EEA1: variants seen among roughly 807,000 people sequenced by gnomAD.
EEA1 encodes the protein early endosome antigen 1, also known as early endosome antigen 1, 162kD.
EEA1 carries 111 observed loss-of-function variants against 209.2 expected under a neutral mutation model. That is an observed-to-expected ratio of 0.53 (90% CI 0.45 to 0.62). The LOEUF is 0.62. EEA1 is among the 20% of genes least tolerant of loss of function. The pLI, the probability that EEA1 is intolerant of heterozygous loss-of-function variation, is 0.00. For missense variants in EEA1, 1,343 were observed against 1,530.8 expected, an observed-to-expected ratio of 0.88 and a Z score of 2.05; for synonymous variants, 536 against 540.6, an observed-to-expected ratio of 0.99 and a Z score of 0.12.
chr12:92,926,627 C>G (rs945268804), intron 1 of EEA1, among the ~76,000 whole-genome samples: 4 of 152,208 alleles, frequency 2.6e-5, no homozygotes, highest in African/African-American at 9.7e-5. Context: ...CTTACGTCCT[C>G]TCACAATTTG....
chr12:92,794,515 A>G (rs539155210), intron 21 of EEA1, among the ~76,000 whole-genome samples: 5 of 152,306 alleles, frequency 3.3e-5, no homozygotes, highest in African/African-American at 9.6e-5. Flanking sequence ...ATAAAAAAAA[A>G]TATGGCACAT....
chr12:92,784,833 T>A (rs1456374209), intron 22 of EEA1, among the ~76,000 whole-genome samples: 1 of 152,158 alleles, frequency 6.6e-6, no homozygotes, highest in East Asian at 1.9e-4. Flanking sequence ...CTCTCTCCCA[T>A]TCCATGGTTT....
rs1322983202 is a variant in EEA1 at position 92,852,261 on chromosome 12, G to A, written c.556C>T (p.Arg186Ter). ...GTCACTTTTTGTTCAGCAGCTTCTCGAAGACTCCTTTCTTCATCATACTTT... is the reference window on the plus strand; with the variant it reads ...GTCACTTTTTGTTCAGCAGCTTCTCAAAGACTCCTTTCTTCATCATACTTT... Reference protein sequence around the residue: ...KSKYDEERSLREAAEQKVTRL... With the variant: ...KSKYDEERSL The change falls in exon 8 of 29, where the codon CGA becomes TGA. Residue 186 changes from arginine (R) to a stop codon, truncating the protein, a stop_gained. Transcript: ENST00000322349. LOFTEE classifies it high-confidence loss of function. 5.0e-6 allele frequency: 8 copies of A among 1,597,790 alleles called. No homozygotes were observed. Among genetic ancestry groups the A allele is most frequent in the East Asian group, 2.3e-5 (1 of 44,056 alleles).
intron 2 of EEA1, among the ~76,000 whole-genome samples, chr12:92,881,552 C>T (rs1052999031): frequency 6.6e-6 from 1 of 152,080 alleles, no homozygotes; most frequent in Non-Finnish European, 1.5e-5. Context: ...CAGAGAAGCA[C>T]AAGAAAGACT....
Position 92,874,614 on chromosome 12 carries a change from C to T in EEA1, c.118-9627G>A, listed in dbSNP as rs1381490660. Reference sequence around the variant, plus strand: ...CTCCTGACCTCAGGTGATCCGCCTGCCTCAGCCTCCCAAAGTGCTGGGATT... The same window carrying T: ...CTCCTGACCTCAGGTGATCCGCCTGTCTCAGCCTCCCAAAGTGCTGGGATT... On this transcript the variant is annotated intron_variant, in intron 2 of 28. Transcript: ENST00000322349. 2.0e-5 allele frequency among the ~76,000 whole-genome samples: 3 copies of T among 152,260 alleles called. No individual in the cohort carries two copies. The East Asian group carries it at 5.8e-4, about 29-fold the overall frequency.
Position 92,821,809 on chromosome 12 carries a change from A to G in EEA1, c.1525-2298T>C, listed in dbSNP as rs548895336. Among the ~76,000 whole-genome samples the G allele has an allele frequency of 1.1e-3, 164 of 150,408 alleles. 1 individual carries two copies. The highest frequency in any genetic ancestry group is 2.9e-3 in the Admixed American group (44 of 15,016). On this transcript the variant is annotated intron_variant, in intron 13 of 28. Transcript: ENST00000322349. ...CTTTATTTTCCAAAAATAATTTTATATAAAATTATATATGTATATATAATT... is the reference window on the plus strand; with the variant it reads ...CTTTATTTTCCAAAAATAATTTTATGTAAAATTATATATGTATATATAATT...
chr12:92,913,179 T>G (rs928305967), intron 1 of EEA1, among the ~76,000 whole-genome samples: 5 of 152,222 alleles, frequency 3.3e-5, no homozygotes, highest in Non-Finnish European at 5.9e-5. Flanking sequence ...GGGCATTCCC[T>G]TTTCTCCACA....
chr12:92,778,459 G>T (rs1192746133), intron 25 of EEA1, among the ~76,000 whole-genome samples: 1 of 152,004 alleles, frequency 6.6e-6, no homozygotes, highest in Non-Finnish European at 1.5e-5. Context: ...GAGCAGGAAA[G>T]ACACATATGG....
At chr12:92,798,854 T>C (rs757606311) in intron 21 of EEA1, 38 bp downstream of exon 21, 3 of 1,463,394 alleles carry the variant, frequency 2.1e-6, no homozygotes, top group African/African-American at 2.9e-5. Context: ...AATTGCCAAG[T>C]TTTTCTTCCT....
intron 2 of EEA1, among the ~76,000 whole-genome samples, chr12:92,866,370 C>T (rs1439944769): frequency 2.0e-5 from 3 of 151,712 alleles, no homozygotes; most frequent in Admixed American, 6.6e-5. Context: ...TCTAAAATTC[C>T]CCTCTATTAG....
intron 1 of EEA1, among the ~76,000 whole-genome samples, chr12:92,900,059 G>A (rs765628200): frequency 1.3e-5 from 2 of 152,154 alleles, no homozygotes; most frequent in Non-Finnish European, 2.9e-5. Flanking sequence ...GTCTGTCACT[G>A]AGGACTTTTT....
chr12:92,857,440 A>T lies in EEA1; in HGVS notation c.291T>A (p.Ala97=), dbSNP rs1186411488. Residue 97 remains alanine, a synonymous_variant, in exon 4 of 29, where the codon GCT becomes GCA. Transcript: ENST00000322349. ...LLRQEVQDLQ[A]SLKEEKWYSE... is the part of the protein sequence containing the mutation. ...CAATTTTTATTCTTACCTTAAGTGA[A>T]GCCTGTAGGTCTTGGACCTCTTGTC... is the stretch of plus-strand genomic sequence containing the variant. 1.3e-6 allele frequency: 2 copies of T among 1,597,136 alleles called. No homozygotes were observed. Among genetic ancestry groups the T allele is most frequent in the African/African-American group, 1.3e-5 (1 of 74,138 alleles).
intron 2 of EEA1, among the ~76,000 whole-genome samples, chr12:92,871,398 A>G (rs927275383): frequency 6.6e-6 from 1 of 152,184 alleles, no homozygotes; most frequent in African/African-American, 2.4e-5. Context: ...AACAAAATAT[A>G]CAGGACCCAC....
chr12:92,896,781 G>GA (rs200708762), intron 1 of EEA1, among the ~76,000 whole-genome samples: 2,915 of 150,556 alleles, frequency 0.019, 102 homozygotes, highest in African/African-American at 0.065. Context: ...AAGAAAAAAA[G>GA]AAAAAAAAAG....
chr12:92,828,351 G>A (rs1374621058), intron 11 of EEA1, among the ~76,000 whole-genome samples: 2 of 151,772 alleles, frequency 1.3e-5, no homozygotes, highest in Non-Finnish European at 1.5e-5. Flanking sequence ...TATAAGTGTT[G>A]GAACTTTCAG....
intron 1 of EEA1, among the ~76,000 whole-genome samples, chr12:92,893,222 G>A (rs931277879): frequency 6.6e-5 from 10 of 152,152 alleles, no homozygotes; most frequent in African/African-American, 1.9e-4. Context: ...TGGGTAAAAA[G>A]AGATTTAGAG....
chr12:92,792,423 C>T (rs996401446), intron 21 of EEA1, among the ~76,000 whole-genome samples: 2 of 151,786 alleles, frequency 1.3e-5, no homozygotes, highest in African/African-American at 4.8e-5. Flanking sequence ...CAAATAGATG[C>T]AATAAAAAAA....
At chr12:92,815,960 A>C (rs1452756115) in intron 15 of EEA1, among the ~76,000 whole-genome samples, 1 of 150,910 alleles carries the variant, frequency 6.6e-6, no homozygotes, top group Admixed American at 6.6e-5. Flanking sequence ...AGAGAGAGGG[A>C]GAGGAGAAAG....
At chr12:92,921,995 C>T (rs939516379) in intron 1 of EEA1, among the ~76,000 whole-genome samples, 2 of 151,876 alleles carry the variant, frequency 1.3e-5, no homozygotes, top group Non-Finnish European at 2.9e-5. Context: ...TGTTTCTATT[C>T]CCTTACTTCC....
Sources: allele counts gnomAD v4.1 joint callset (sites outside exome capture counted in the v4.1 genomes callset), GRCh38; gene constraint gnomAD v4.1.1; transcripts MANE v1.5; gene names NCBI Gene and HGNC (gene_info 2026-07-23, HGNC 2026-07-21).